Variants in MTX3 observed in about 807,000 individuals in gnomAD.
The protein encoded by MTX3 is metaxin 3.
MTX3 carries 27 observed loss-of-function variants against 42.5 expected under a neutral mutation model. The observed-to-expected ratio is 0.64, with a 90% CI of 0.47 to 0.88. The LOEUF (loss-of-function observed/expected upper bound fraction) is 0.88. Ranked by LOEUF, MTX3 falls within the 40% of genes least tolerant of loss-of-function variation. The pLI is 0.00. For missense variants in MTX3, 378 were observed against 367.0 expected (o/e 1.03, Z -0.25); for synonymous variants, 144 against 132.9 (o/e 1.08, Z -0.57).
chr5:79,982,440 C>T lies in MTX3; in HGVS notation c.*1244G>A. ...ACTTGATAAGATTTGCTGAGCACCA[C>T]AGTAATCTTTTAAGACACTAATCAA... On this transcript the variant is annotated 3_prime_UTR_variant, in exon 9 of 9. Transcript: ENST00000512528. 1 of 456,532 alleles carries T rather than the reference C, an allele frequency of 2.2e-6. No homozygotes were observed. Among genetic ancestry groups the T allele is most frequent in the Non-Finnish European group, 4.4e-6 (1 of 226,872 alleles). 28.3% of individuals were successfully genotyped at this position (456,532 alleles called of 1,614,324 possible).
chr5:79,983,847 G>T, intron 8 of MTX3, 53 bp from the exon 9 acceptor site: 1 of 1,218,766 alleles, frequency 8.2e-7, no homozygotes, highest in Non-Finnish European at 1.2e-6. Flanking sequence ...CCGCTTATGT[G>T]GACTGTGGCC....
rs1359968668 is a variant in MTX3, at chr5:79,978,332, T to G, written c.*5352A>C. 1 of 152,246 alleles carries G rather than the reference T, an allele frequency of 6.6e-6. No homozygotes were observed. Among genetic ancestry groups the G allele is most frequent in the South Asian group, 2.1e-4 (1 of 4,834 alleles). The allele number at this position is 152,246 out of a possible 1,614,324, so 9.4% of individuals were successfully genotyped here. A position where few individuals can be genotyped will look rare whatever the true frequency, so the allele number is the denominator to read the frequency against. ...GGCCGGGGACAGTGGCTCATACCTA[T>G]AATTCCAGCACTGTGGGAGGGTGAG... On this transcript the variant is annotated 3_prime_UTR_variant, in exon 9 of 9. Coordinates refer to ENST00000512528, the MANE Select transcript of MTX3 (RefSeq NM_001363818.2).
In MTX3 at chr5:79,986,914, T is replaced by A. The variant is rs369426127; in HGVS notation, c.739+36A>T. 16 of 1,601,022 alleles carry A rather than the reference T, an allele frequency of 1.0e-5. No individual in the cohort carries two copies. The African/African-American group carries it at 2.0e-4, about 20-fold the overall frequency. On this transcript the variant is annotated intron_variant, in intron 7 of 8. Transcript: ENST00000512528. ...TTGCTTATACATACATAGGAGAATA[T>A]GCAAACAAACATTAGCTGAAAAAGA...
At position 79,985,331 on chromosome 5, in the gene MTX3, T is replaced by C. The variant is rs559025339; in HGVS notation, c.828+240A>G. ...TTGGATTTCCTAGCTTAAAGGGTAC[T>C]AACTGTGTGGCAAAAGTAAACCCAA... On this transcript the variant is annotated intron_variant, in intron 8 of 8. Coordinates refer to ENST00000512528, the MANE Select transcript of MTX3 (RefSeq NM_001363818.2). Among the ~76,000 whole-genome samples the C allele has an allele frequency of 5.3e-5, 8 of 152,244 alleles. No homozygotes were observed. The East Asian group carries it at 1.5e-3, about 29-fold the overall frequency.
rs373485052 is a variant in MTX3 at position 79,982,946 on chromosome 5, AC to A, written c.*737del. On this transcript the variant is annotated 3_prime_UTR_variant, in exon 9 of 9. Transcript: ENST00000512528. The stretch of plus-strand genomic sequence containing the variant: ...AGACAACTGAAGATGTACTACAAAG[AC>A]ATAGGTCTAAAACTGCCACATTTGC... The A allele has an allele frequency of 8.1e-4, 126 of 154,738 alleles. No homozygotes were observed. The highest frequency in any genetic ancestry group is 2.7e-3 in the African/African-American group (113 of 41,592). 9.6% of individuals were successfully genotyped at this position (154,738 alleles called of 1,614,324 possible). A position where few individuals can be genotyped will look rare whatever the true frequency, so the allele number is the denominator to read the frequency against.
rs996716055 is a variant in MTX3 at position 79,980,067 on chromosome 5, T to A, written c.*3617A>T. 2 of 152,286 alleles carry A rather than the reference T, an allele frequency of 1.3e-5. No homozygotes were observed. The highest frequency in any genetic ancestry group is 3.4e-3 in the Middle Eastern group (1 of 294). 9.4% of individuals were successfully genotyped at this position (152,286 alleles called of 1,614,324 possible). A position where few individuals can be genotyped will look rare whatever the true frequency, so the allele number is the denominator to read the frequency against. Reference sequence around the variant, plus strand: ...CACTGCTTAGCTTCCTTTCTTTACATGTAAGCATTTATATCTAGGTTTTAA... The same window carrying A: ...CACTGCTTAGCTTCCTTTCTTTACAAGTAAGCATTTATATCTAGGTTTTAA... On this transcript the variant is annotated 3_prime_UTR_variant, in exon 9 of 9. Transcript: ENST00000512528.
intron 8 of MTX3, 72 bp downstream of exon 8, chr5:79,985,499 G>T: frequency 2.0e-6 from 2 of 998,708 alleles, no homozygotes; most frequent in Middle Eastern, 2.2e-4. Flanking sequence ...GTTAATGTGT[G>T]ACCCAAATGA....
At chr5:79,989,632 T>C (rs150713973) in intron 3 of MTX3, among the ~76,000 whole-genome samples, 6 of 152,338 alleles carry the variant, frequency 3.9e-5, no homozygotes, top group Non-Finnish European at 7.4e-5. Context: ...CAAAATGTTA[T>C]TGACACAATT....
At chr5:79,985,447 T>A (rs1831468325) in intron 8 of MTX3, 124 bp downstream of exon 8, 2 of 689,248 alleles carry the variant, frequency 2.9e-6, no homozygotes, top group Admixed American at 2.8e-5. Flanking sequence ...TTTAAACAGT[T>A]TTCTGAAAAA....
At chr5:79,985,918 T>C (rs1831478236) in intron 7 of MTX3, among the ~76,000 whole-genome samples, 2 of 131,938 alleles carry the variant, frequency 1.5e-5, no homozygotes, top group South Asian at 5.0e-4. Flanking sequence ...TTGGCCACAA[T>C]AATTAGTTTT....
chr5:79,990,547 AG>A (rs753464225), intron 2 of MTX3, 46 bp downstream of exon 2: 125 of 1,235,222 alleles, frequency 1.0e-4, no homozygotes, highest in Admixed American at 1.2e-4. Context: ...AAATGGAAGA[AG>A]AAAAAAAAGA....
At chr5:79,988,365 T>C (rs1831546557) in intron 5 of MTX3, 50 bp from the exon 6 acceptor site, 2 of 1,506,210 alleles carry the variant, frequency 1.3e-6, no homozygotes, top group South Asian at 2.4e-5. Context: ...ACTCTAAAAC[T>C]ACTTTTGAGG....
chr5:79,985,940 G>GA (rs33942235), intron 7 of MTX3, among the ~76,000 whole-genome samples: 76,272 of 127,708 alleles, frequency 0.6, 20,166 homozygotes, highest in South Asian at 0.62. Flanking sequence ...TTTTTTTTTT[G>GA]AAAAAAAAAG....
rs1429549236 is a variant in MTX3, at chr5:79,983,783, A to T, written c.840T>A (p.Asn280Lys). The change falls in exon 9 of 9, where the codon AAT becomes AAA. Residue 280 changes from asparagine to lysine, a missense_variant. Transcript: ENST00000512528. ...ESNLIEKMDDNLRQSPQLPPR... is the reference protein window; with the variant it reads ...ESNLIEKMDDKLRQSPQLPPR... ...GAGGAAGCTGAGGGCTTTGGCGAAG[A>T]TTGTCATCCATCTGTAGAAAGTACA... The T allele has an allele frequency of 2.5e-6, 4 of 1,611,586 alleles. No individual in the cohort carries two copies. The Admixed American group carries it at 6.7e-5, about 27-fold the overall frequency.
chr5:79,987,202 G>T, intron 6 of MTX3, 95 bp from the exon 7 acceptor site: 1 of 1,093,600 alleles, frequency 9.1e-7, no homozygotes. Context: ...TACTTTGGGA[G>T]ATCAAGCGGG....
intron 8 of MTX3, among the ~76,000 whole-genome samples, chr5:79,984,291 A>G (rs1831440670): frequency 6.6e-6 from 1 of 152,214 alleles, no homozygotes; most frequent in Non-Finnish European, 1.5e-5. Flanking sequence ...GAGAGCTGAA[A>G]CTTGAACCCA....
At chr5:79,985,786 G>A in intron 7 of MTX3, 127 bp from the exon 8 acceptor site, 1 of 615,846 alleles carries the variant, frequency 1.6e-6, no homozygotes, top group Non-Finnish European at 2.8e-6. Context: ...AAAAGGCAAA[G>A]AGGAAAACCA....
chr5:79,988,115 C>T, intron 6 of MTX3, 124 bp downstream of exon 6: 2 of 670,202 alleles, frequency 3.0e-6, no homozygotes, highest in Non-Finnish European at 5.2e-6. Context: ...CCACACCGGC[C>T]TAAATCTTGT....
chr5:79,986,612 T>A (rs1831496105), intron 7 of MTX3: 1 of 402,868 alleles, frequency 2.5e-6, no homozygotes, highest in Non-Finnish European at 4.8e-6. Flanking sequence ...TCCATTTGCA[T>A]TAGGATAAAT....
Sources: allele counts gnomAD v4.1 joint callset (sites outside exome capture counted in the v4.1 genomes callset), GRCh38; gene constraint gnomAD v4.1.1; transcripts MANE v1.5; gene names NCBI Gene and HGNC (gene_info 2026-07-23, HGNC 2026-07-21).